Variants in NCEH1 observed in about 807,000 individuals in gnomAD.
NCEH1 encodes neutral cholesterol ester hydrolase 1, also known as 2-acetyl MAGE hydrolase.
Under a neutral mutation model 25.4 loss-of-function variants are expected in NCEH1, and 9 were observed. That is an observed-to-expected ratio of 0.35 (90% CI 0.21 to 0.62). The LOEUF is 0.62. Among genes scored for constraint, NCEH1 ranks in the 20% least tolerant of loss-of-function variants. NCEH1 has a pLI of 0.72. For missense variants in NCEH1, 412 were observed against 501.1 expected, an observed-to-expected ratio of 0.82 and a Z score of 1.70; for synonymous variants, 200 against 199.8, an observed-to-expected ratio of 1.00 and a Z score of -0.01.
chr3:172,659,164 G>A (rs537728060), intron 1 of NCEH1, among the ~76,000 whole-genome samples: 2 of 152,108 alleles, frequency 1.3e-5, no homozygotes, highest in Non-Finnish European at 2.9e-5. Context: ...TTTGGTCAGG[G>A]TGGTGGGAAA....
rs144157971 is a variant in NCEH1, at chr3:172,641,071, C to T, written c.437+4552G>A. Among the ~76,000 whole-genome samples, 44 of 151,904 alleles carry T rather than the reference C, an allele frequency of 2.9e-4. 1 individual carries two copies. The highest frequency in any genetic ancestry group is 1.0e-3 in the African/African-American group (42 of 41,426). On this transcript the variant is annotated intron_variant, in intron 3 of 4. Transcript: ENST00000475381. ...CCAAAACTGCACCATTGCACTCCACCCTAGGCAACAGAGTGAGACTCTGTC... is the reference window on the plus strand; with the variant it reads ...CCAAAACTGCACCATTGCACTCCACTCTAGGCAACAGAGTGAGACTCTGTC...
intron 1 of NCEH1, among the ~76,000 whole-genome samples, chr3:172,675,318 TAAATA>T (rs1711918671): frequency 1.3e-5 from 2 of 149,946 alleles, no homozygotes; most frequent in Middle Eastern, 3.4e-3. Flanking sequence ...AATAAATAAA[TAAATA>T]AATAAATAAA....
chr3:172,703,864 C>A (rs1315345550), intron 1 of NCEH1, among the ~76,000 whole-genome samples: 1 of 152,192 alleles, frequency 6.6e-6, no homozygotes, highest in Non-Finnish European at 1.5e-5. Flanking sequence ...GTTCACCTGT[C>A]AGAACTAACA....
intron 1 of NCEH1, among the ~76,000 whole-genome samples, chr3:172,689,141 T>C (rs1008912351): frequency 2.0e-5 from 3 of 152,068 alleles, no homozygotes; most frequent in Non-Finnish European, 4.4e-5. Context: ...AAAGTTCTTC[T>C]AGGTAATAAG....
Position 172,645,628 on chromosome 3 carries a change from G to A in NCEH1, c.432C>T (p.Ser144=). Reference sequence around the variant, plus strand: ...GACTAGCATTAATTACTTACTCAATGGAAACAATGACAGCATTCAATTCCT... The same window carrying A: ...GACTAGCATTAATTACTTACTCAATAGAAACAATGACAGCATTCAATTCCT... ...MAEELNAVIV[S]IEYRLVPKVY... Residue 144 remains serine, a synonymous_variant, in exon 3 of 5, where the codon TCC becomes TCT. Transcript: ENST00000475381. 6.3e-7 allele frequency: 1 copy of A among 1,591,930 alleles called. No individual in the cohort carries two copies. Among genetic ancestry groups the A allele is most frequent in the Non-Finnish European group, 8.6e-7 (1 of 1,165,972 alleles).
At chr3:172,692,148 T>C (rs1713098485) in intron 1 of NCEH1, among the ~76,000 whole-genome samples, 1 of 152,092 alleles carries the variant, frequency 6.6e-6, no homozygotes, top group African/African-American at 2.4e-5. Flanking sequence ...AGTGTTTGTT[T>C]CAAACTTTAA....
intron 1 of NCEH1, among the ~76,000 whole-genome samples, chr3:172,656,857 C>T (rs1260796520): frequency 6.6e-6 from 1 of 152,134 alleles, no homozygotes; most frequent in East Asian, 1.9e-4. Context: ...TGAAACTATC[C>T]ATTAGGCTCA....
At chr3:172,681,923 C>T (rs1712403504) in intron 1 of NCEH1, among the ~76,000 whole-genome samples, 1 of 148,592 alleles carries the variant, frequency 6.7e-6, no homozygotes, top group African/African-American at 2.6e-5. Context: ...AAAAAAAAGA[C>T]TGAACAACAC....
chr3:172,693,903 T>G (rs58852806), intron 1 of NCEH1, among the ~76,000 whole-genome samples: 8,796 of 152,198 alleles, frequency 0.058, 838 homozygotes, highest in African/African-American at 0.2. Context: ...ATTTTTAAAT[T>G]TTTTATTTTT....
At chr3:172,644,474 G>C (rs966606883) in intron 3 of NCEH1, among the ~76,000 whole-genome samples, 1 of 152,310 alleles carries the variant, frequency 6.6e-6, no homozygotes, top group Non-Finnish European at 1.5e-5. Context: ...TCATGGCCCT[G>C]CCACTCAGCA....
intron 1 of NCEH1, among the ~76,000 whole-genome samples, chr3:172,689,807 T>C (rs1731473721): frequency 6.6e-6 from 1 of 151,824 alleles, no homozygotes; most frequent in African/African-American, 2.4e-5. Context: ...TAGACCATTT[T>C]ATAATCTCTT....
At chr3:172,665,909 A>C (rs1718185952) in intron 1 of NCEH1, among the ~76,000 whole-genome samples, 1 of 152,186 alleles carries the variant, frequency 6.6e-6, no homozygotes, top group Non-Finnish European at 1.5e-5. Context: ...CTTGGCTAGG[A>C]AAGGGAATTC....
chr3:172,644,958 G>A (rs1390771373), intron 3 of NCEH1, among the ~76,000 whole-genome samples: 1 of 152,168 alleles, frequency 6.6e-6, no homozygotes, highest in African/African-American at 2.4e-5. Context: ...AAAAGGCTTG[G>A]CTGAGAGGAT....
chr3:172,655,177 T>C (rs191028674), intron 1 of NCEH1, among the ~76,000 whole-genome samples: 35 of 152,278 alleles, frequency 2.3e-4, no homozygotes, highest in Admixed American at 2.2e-3. Context: ...CACACAGAAT[T>C]GTGTTAAGGG....
chr3:172,666,413 C>T (rs925339168), intron 1 of NCEH1, among the ~76,000 whole-genome samples: 1 of 152,174 alleles, frequency 6.6e-6, no homozygotes, highest in African/African-American at 2.4e-5. Context: ...CAGACACTGC[C>T]CCCTGCAGCA....
intron 1 of NCEH1, among the ~76,000 whole-genome samples, chr3:172,707,284 C>T (rs948812122): frequency 5.3e-5 from 8 of 152,194 alleles, no homozygotes; most frequent in African/African-American, 1.9e-4. Flanking sequence ...TACACCTCTG[C>T]CCTTCTCAGA....
At chr3:172,692,444 A>G (rs530665635) in intron 1 of NCEH1, among the ~76,000 whole-genome samples, 2 of 152,126 alleles carry the variant, frequency 1.3e-5, no homozygotes, top group African/African-American at 4.8e-5. Context: ...TGTAGCCTCA[A>G]TTTCCTGGGC....
chr3:172,649,246 A>G (rs1180379589), intron 1 of NCEH1, among the ~76,000 whole-genome samples: 1 of 152,092 alleles, frequency 6.6e-6, no homozygotes, highest in Non-Finnish European at 1.5e-5. Context: ...ATATATATAT[A>G]TACACACACA....
At chr3:172,641,727 A>G (rs1240049816) in intron 3 of NCEH1, among the ~76,000 whole-genome samples, 1 of 151,944 alleles carries the variant, frequency 6.6e-6, no homozygotes, top group Non-Finnish European at 1.5e-5. Flanking sequence ...CTTCTCTCAC[A>G]TTTCATTCCC....
Sources: allele counts gnomAD v4.1 joint callset (sites outside exome capture counted in the v4.1 genomes callset), GRCh38; gene constraint gnomAD v4.1.1; transcripts MANE v1.5; gene names NCBI Gene and HGNC (gene_info 2026-07-23, HGNC 2026-07-21).